Variants in SLTM observed in about 807,000 individuals in gnomAD.
SLTM encodes the protein SAFB like transcription modulator.
SLTM carries 43 observed loss-of-function variants against 134.6 expected under a neutral mutation model. That is an observed-to-expected ratio of 0.32 (90% CI 0.25 to 0.41). The LOEUF (loss-of-function observed/expected upper bound fraction) is 0.41, where lower values mean the gene tolerates loss of function less well. Among genes scored for constraint, SLTM ranks in the 10% least tolerant of loss-of-function variants. The probability of loss-of-function intolerance (pLI) is 1.00; values close to 1 mark genes in which losing one functional copy is unlikely to be tolerated. For missense variants in SLTM, 1,055 were observed against 1,288.8 expected (o/e 0.82, Z 2.78); for synonymous variants, 424 against 432.3 (o/e 0.98, Z 0.24).
intron 19 of SLTM, among the ~76,000 whole-genome samples, chr15:58,885,200 C>T (rs2034081027): frequency 6.6e-6 from 1 of 151,964 alleles, no homozygotes; most frequent in Non-Finnish European, 1.5e-5. Flanking sequence ...AACAGAGTAG[C>T]AAACACAAAG....
At chr15:58,881,873 A>C (rs1284756374) in intron 20 of SLTM, among the ~76,000 whole-genome samples, 4 of 152,018 alleles carry the variant, frequency 2.6e-5, no homozygotes, top group African/African-American at 9.7e-5. Context: ...CTGGGATTAC[A>C]GGCATGAGCC....
chr15:58,898,160 T>G (rs1236530651), intron 8 of SLTM: 2 of 152,114 alleles, frequency 1.3e-5, no homozygotes, highest in Non-Finnish European at 2.9e-5. Flanking sequence ...TGCATACAAT[T>G]CTCCTTTACA....
In SLTM at chr15:58,888,384, C is replaced by A; in HGVS notation, c.2375+1G>T. On this transcript the variant is annotated splice_donor_variant, in intron 17 of 20. Transcript: ENST00000380516. LOFTEE classifies it high-confidence loss of function. ...AATATAACAATTTTCAACATATCTACCTTTCAAAAGATGAAGACTGTACTG... is the reference window on the plus strand; with the variant it reads ...AATATAACAATTTTCAACATATCTAACTTTCAAAAGATGAAGACTGTACTG... The A allele has an allele frequency of 6.3e-7, 1 of 1,584,194 alleles. No homozygotes were observed. Among genetic ancestry groups the A allele is most frequent in the Non-Finnish European group, 8.5e-7 (1 of 1,169,726 alleles).
intron 5 of SLTM, among the ~76,000 whole-genome samples, chr15:58,906,516 G>A (rs759036295): frequency 6.6e-6 from 1 of 152,156 alleles, no homozygotes; most frequent in Non-Finnish European, 1.5e-5. Flanking sequence ...TTATTTTTCA[G>A]TGAACCAAGT....
intron 2 of SLTM, among the ~76,000 whole-genome samples, chr15:58,919,702 C>G (rs1457781271): frequency 2.6e-5 from 4 of 152,170 alleles, no homozygotes; most frequent in Non-Finnish European, 4.4e-5. Context: ...TAGAGCAGAA[C>G]TTTTGGGGGA....
chr15:58,930,707 TA>T (rs35877115), intron 2 of SLTM, among the ~76,000 whole-genome samples: 468 of 139,336 alleles, frequency 3.4e-3, no homozygotes, highest in African/African-American at 0.011. Context: ...AATACCCTAT[TA>T]AAAAATATAT....
chr15:58,932,218 T>C (rs1421618751), intron 2 of SLTM, 138 bp downstream of exon 2: 1 of 665,982 alleles, frequency 1.5e-6, no homozygotes, highest in African/African-American at 1.8e-5. Flanking sequence ...GTAACTTTTC[T>C]TCCTTGACCC....
At chr15:58,883,423 A>C in intron 20 of SLTM, 1 of 626,688 alleles carries the variant, frequency 1.6e-6, no homozygotes, top group Non-Finnish European at 2.7e-6. Flanking sequence ...GAATTCATTT[A>C]AAAGGAAGAA....
In SLTM at chr15:58,879,196, C is replaced by T. The variant is rs1228819035; in HGVS notation, c.*803G>A. 6.6e-6 allele frequency: 1 copy of T among 152,116 alleles called. No individual in the cohort carries two copies. The highest frequency in any genetic ancestry group is 1.5e-5 in the Non-Finnish European group (1 of 68,028). 9.4% of individuals were successfully genotyped at this position (152,116 alleles called of 1,614,324 possible). A position where few individuals can be genotyped will look rare whatever the true frequency, so the allele number is the denominator to read the frequency against. ...GTTGGGAACATGGAAACATTAATACCCACACAATTCCCAGAGATGGAATTT... is the reference window on the plus strand; with the variant it reads ...GTTGGGAACATGGAAACATTAATACTCACACAATTCCCAGAGATGGAATTT... On this transcript the variant is annotated 3_prime_UTR_variant, in exon 21 of 21. Transcript: ENST00000380516.
At chr15:58,904,544 ATTT>A (rs34047153) in intron 5 of SLTM, among the ~76,000 whole-genome samples, 2 of 138,634 alleles carry the variant, frequency 1.4e-5, no homozygotes, top group Admixed American at 7.3e-5. Context: ...TGCTCTAAGA[ATTT>A]TTTTTTTTTT....
chr15:58,932,466 T>C, intron 1 of SLTM, 23 bp from the exon 2 acceptor site: 17 of 1,488,806 alleles, frequency 1.1e-5, no homozygotes, highest in Non-Finnish European at 1.6e-5. Context: ...GAGAAGTTAA[T>C]ATGCTACACA....
chr15:58,884,400 C>T (rs1410147673), intron 19 of SLTM, among the ~76,000 whole-genome samples: 1 of 152,008 alleles, frequency 6.6e-6, no homozygotes, highest in Non-Finnish European at 1.5e-5. Context: ...CTCACTGCAA[C>T]CTCCGCCCCC....
chr15:58,908,294 C>A (rs2036016833), intron 5 of SLTM, among the ~76,000 whole-genome samples: 1 of 151,978 alleles, frequency 6.6e-6, no homozygotes, highest in Non-Finnish European at 1.5e-5. Flanking sequence ...CTCTTGAGCT[C>A]AAGTGATCAG....
At chr15:58,890,688 T>G (rs2034580558) in intron 14 of SLTM, among the ~76,000 whole-genome samples, 1 of 152,226 alleles carries the variant, frequency 6.6e-6, no homozygotes, top group African/African-American at 2.4e-5. Flanking sequence ...AATTTTATAA[T>G]ATAGAGTAGT....
chr15:58,917,789 G>A (rs1253048083), intron 2 of SLTM, among the ~76,000 whole-genome samples: 7 of 151,870 alleles, frequency 4.6e-5, no homozygotes, highest in South Asian at 4.2e-4. Flanking sequence ...GCACTCTGTC[G>A]CCCAGGCTGG....
chr15:58,883,898 G>C, intron 19 of SLTM, 112 bp from the exon 20 acceptor site: 3 of 1,171,124 alleles, frequency 2.6e-6, no homozygotes, highest in Non-Finnish European at 2.4e-6. Context: ...AGGAGTTCGA[G>C]ACCAGCCTGG....
chr15:58,885,708 T>C (rs1295333771), intron 19 of SLTM, among the ~76,000 whole-genome samples: 2 of 152,090 alleles, frequency 1.3e-5, no homozygotes, highest in African/African-American at 4.8e-5. Context: ...CGCTTGAACC[T>C]GGGAGGCGGA....
chr15:58,903,909 C>T (rs1203326534), intron 5 of SLTM, among the ~76,000 whole-genome samples: 1 of 152,188 alleles, frequency 6.6e-6, no homozygotes, highest in African/African-American at 2.4e-5. Flanking sequence ...AAAGCATGCA[C>T]TTCTTAAAAT....
At chr15:58,919,431 C>A (rs2036869966) in intron 2 of SLTM, among the ~76,000 whole-genome samples, 1 of 151,414 alleles carries the variant, frequency 6.6e-6, no homozygotes, top group South Asian at 2.1e-4. Context: ...CCTATCTCTT[C>A]AAAAAAAAAT....
Sources: gnomAD v4.1 joint callset for allele counts (sites outside exome capture counted in the v4.1 genomes callset) on GRCh38, gnomAD v4.1.1 for gene constraint, MANE v1.5 for transcripts, NCBI Gene and HGNC (gene_info 2026-07-23, HGNC 2026-07-21) for gene names.